Variants in NT5DC1 observed in about 807,000 individuals in gnomAD.
The protein encoded by NT5DC1 is 5'-nucleotidase domain containing 1.
A neutral mutation model predicts 59.4 loss-of-function variants in NT5DC1; 42 were observed. That is an observed-to-expected ratio of 0.71 (90% CI 0.55 to 0.92). The LOEUF (loss-of-function observed/expected upper bound fraction) is 0.92. Among genes scored for constraint, NT5DC1 ranks in the 40% least tolerant of loss-of-function variants. The pLI is 0.00. For synonymous variants in NT5DC1, 172 were observed against 188.1 expected, an observed-to-expected ratio of 0.91 and a Z score of 0.70; for missense variants, 501 against 537.1, an observed-to-expected ratio of 0.93 and a Z score of 0.66.
intron 6 of NT5DC1, among the ~76,000 whole-genome samples, chr6:116,135,421 C>T (rs937389398): frequency 6.6e-6 from 1 of 151,774 alleles, no homozygotes; most frequent in Non-Finnish European, 1.5e-5. Flanking sequence ...GCCCCCCCCA[C>T]CTTTTTATTT....
chr6:116,221,259 C>T, intron 7 of NT5DC1, 31 bp downstream of exon 7: 1 of 1,331,810 alleles, frequency 7.5e-7, no homozygotes, highest in Non-Finnish European at 1.1e-6. Flanking sequence ...TTTTCATTGT[C>T]TTATGAAATA....
In NT5DC1 at chr6:116,173,871, C is replaced by A. The variant is rs150543113; in HGVS notation, c.530-47183C>A. On this transcript the variant is annotated intron_variant, in intron 6 of 11. Coordinates refer to ENST00000319550, the MANE Select transcript of NT5DC1 (RefSeq NM_152729.3). The stretch of plus-strand genomic sequence containing the variant: ...TAACTAACCACAAGACTTCATTTAG[C>A]TTCTACCAGTTTTTATACTAATGTC... 3.4e-3 allele frequency among the ~76,000 whole-genome samples: 517 copies of A among 152,264 alleles called. 4 individuals are homozygous for A. The highest frequency in any genetic ancestry group is 4.0e-3 in the Non-Finnish European group (275 of 68,006).
At chr6:116,134,630 A>G (rs1582824659) in intron 6 of NT5DC1, among the ~76,000 whole-genome samples, 1 of 152,176 alleles carries the variant, frequency 6.6e-6, no homozygotes, top group East Asian at 1.9e-4. Context: ...GCTGGTTTGG[A>G]CCTGAGTCTT....
intron 6 of NT5DC1, 128 bp downstream of exon 6, chr6:116,118,073 A>C: frequency 1.4e-6 from 1 of 691,406 alleles, no homozygotes; most frequent in Non-Finnish European, 2.7e-6. Context: ...AAATATTATT[A>C]TAAAGTTGGT....
At position 116,243,998 on chromosome 6, in the gene NT5DC1, A is replaced by C; in HGVS notation, c.1342A>C (p.Ser448Arg). 6.8e-7 allele frequency: 1 copy of C among 1,470,418 alleles called. No individual in the cohort carries two copies. The highest frequency in any genetic ancestry group is 9.5e-7 in the Non-Finnish European group (1 of 1,056,144). The allele number at this position is 1,470,418 out of a possible 1,614,324, so 91.1% of individuals were successfully genotyped here. Residue 448 changes from serine to arginine, a missense_variant, in exon 12 of 12, where the codon AGT becomes CGT. Transcript: ENST00000319550. ...YYPNPPLVLSSDETLISK is the reference protein window; with the variant it reads ...YYPNPPLVLSRDETLISK ...TCCAAATCCTCCACTGGTCTTATCA[A>C]GTGATGAGACACTGATATCCAAATA...
chr6:116,161,708 T>C (rs1780335204), intron 6 of NT5DC1, among the ~76,000 whole-genome samples: 1 of 152,320 alleles, frequency 6.6e-6, no homozygotes, highest in African/African-American at 2.4e-5. Context: ...TTTGGCTATT[T>C]AGGCTCTTAT....
At chr6:116,132,416 G>A (rs1779492569) in intron 6 of NT5DC1, among the ~76,000 whole-genome samples, 1 of 151,144 alleles carries the variant, frequency 6.6e-6, no homozygotes, top group South Asian at 2.1e-4. Context: ...CCTCTGTTCT[G>A]TGATATAGTT....
rs893858661 is a variant in NT5DC1 at position 116,247,082 on chromosome 6, C to G, written c.*3058C>G. Reference sequence around the variant, plus strand: ...TGTTAGTAAGAGAGCAATACATGAACCCAAGTTTGATCCTCAAAATCACAC... The same window carrying G: ...TGTTAGTAAGAGAGCAATACATGAAGCCAAGTTTGATCCTCAAAATCACAC... On this transcript the variant is annotated 3_prime_UTR_variant, in exon 12 of 12. Coordinates refer to ENST00000319550, the MANE Select transcript of NT5DC1 (RefSeq NM_152729.3). 6.6e-6 allele frequency: 1 copy of G among 152,094 alleles called. No individual in the cohort carries two copies. The highest frequency in any genetic ancestry group is 2.4e-5 in the African/African-American group (1 of 41,414). 9.4% of individuals were successfully genotyped at this position (152,094 alleles called of 1,614,324 possible).
chr6:116,197,973 G>A (rs1781271523), intron 6 of NT5DC1, among the ~76,000 whole-genome samples: 1 of 152,038 alleles, frequency 6.6e-6, no homozygotes, highest in South Asian at 2.1e-4. Flanking sequence ...GTCATAGAGG[G>A]CAGTGGCAAT....
intron 6 of NT5DC1, among the ~76,000 whole-genome samples, chr6:116,160,372 G>A (rs760624837): frequency 1.3e-5 from 2 of 152,098 alleles, no homozygotes; most frequent in African/African-American, 2.4e-5. Flanking sequence ...GATTAGTGAT[G>A]TTGAGCATTT....
intron 8 of NT5DC1, among the ~76,000 whole-genome samples, chr6:116,235,313 C>T (rs543905374): frequency 2.0e-5 from 3 of 152,204 alleles, no homozygotes; most frequent in African/African-American, 7.2e-5. Flanking sequence ...CTGTGTTTCT[C>T]CAGGAATATG....
In NT5DC1 at chr6:116,247,222, T is replaced by C. The variant is rs1771865958; in HGVS notation, c.*3198T>C. On this transcript the variant is annotated 3_prime_UTR_variant, in exon 12 of 12. Transcript: ENST00000319550. ...ATGTCGTGCTAGGACATGAGAGGGATTAACATTGAAGACACAGCCTCTATC... is the reference window on the plus strand; with the variant it reads ...ATGTCGTGCTAGGACATGAGAGGGACTAACATTGAAGACACAGCCTCTATC... The C allele has an allele frequency of 6.6e-6, 1 of 152,160 alleles. No homozygotes were observed. Among genetic ancestry groups the C allele is most frequent in the African/African-American group, 2.4e-5 (1 of 41,436 alleles). The allele number at this position is 152,160 out of a possible 1,614,324, so 9.4% of individuals were successfully genotyped here. A position where few individuals can be genotyped will look rare whatever the true frequency, so the allele number is the denominator to read the frequency against.
At chr6:116,183,072 C>T (rs557420043) in intron 6 of NT5DC1, among the ~76,000 whole-genome samples, 1 of 152,044 alleles carries the variant, frequency 6.6e-6, no homozygotes, top group Non-Finnish European at 1.5e-5. Context: ...GATGAGGATC[C>T]ATTTCGTTCT....
In NT5DC1 at chr6:116,108,428, G is replaced by A. The variant is rs201990931; in HGVS notation, c.250G>A (p.Val84Ile). Residue 84 changes from valine (V) to isoleucine (I), a missense_variant, in exon 3 of 12, where the codon GTT (valine) becomes ATT (isoleucine). Val to Ile is a conservative substitution (Grantham distance 29). Transcript: ENST00000319550. ...CCTTAAACTTGCAAATAATGGCACTGTTCTCAGGTAATAAAACTTAGTTGT... is the reference window on the plus strand; with the variant it reads ...CCTTAAACTTGCAAATAATGGCACTATTCTCAGGTAATAAAACTTAGTTGT... ...NFLKLANNGTVLRASHGTKMM... is the reference protein window; with the variant it reads ...NFLKLANNGTILRASHGTKMM... The A allele has an allele frequency of 6.3e-5, 100 of 1,595,586 alleles. No homozygotes were observed. Among genetic ancestry groups the A allele is most frequent in the Non-Finnish European group, 5.4e-5 (63 of 1,163,392 alleles).
intron 6 of NT5DC1, among the ~76,000 whole-genome samples, chr6:116,156,127 G>A (rs1355340207): frequency 6.6e-6 from 1 of 152,008 alleles, no homozygotes; most frequent in Non-Finnish European, 1.5e-5. Context: ...TATTTTCTTT[G>A]AAAGCATATC....
At chr6:116,212,645 G>C (rs1332213483) in intron 6 of NT5DC1, among the ~76,000 whole-genome samples, 1 of 152,108 alleles carries the variant, frequency 6.6e-6, no homozygotes, top group Non-Finnish European at 1.5e-5. Flanking sequence ...TACCAATCTA[G>C]TTTTTTAAGA....
intron 6 of NT5DC1, among the ~76,000 whole-genome samples, chr6:116,166,389 T>C (rs1476286439): frequency 1.3e-5 from 2 of 152,222 alleles, no homozygotes; most frequent in African/African-American, 4.8e-5. Flanking sequence ...TATTCAGTTC[T>C]AATTAAAAAC....
At chr6:116,169,861 G>A (rs1409421937) in intron 6 of NT5DC1, among the ~76,000 whole-genome samples, 4 of 152,176 alleles carry the variant, frequency 2.6e-5, no homozygotes, top group Non-Finnish European at 4.4e-5. Flanking sequence ...GATTGAGCAA[G>A]TGATAATCCA....
intron 6 of NT5DC1, among the ~76,000 whole-genome samples, chr6:116,148,089 G>A (rs1001714769): frequency 1.6e-4 from 24 of 152,034 alleles, no homozygotes; most frequent in Admixed American, 6.6e-4. Flanking sequence ...TAGAGTAGAT[G>A]GTATACAGCA....
Sources: allele counts gnomAD v4.1 joint callset (sites outside exome capture counted in the v4.1 genomes callset), GRCh38; gene constraint gnomAD v4.1.1; transcripts MANE v1.5; gene names NCBI Gene and HGNC (gene_info 2026-07-23, HGNC 2026-07-21).